Variants in KCNB2 observed in about 807,000 individuals in gnomAD.
KCNB2 encodes the protein potassium voltage-gated channel subfamily B member 2, also known as delayed rectifier potassium channel protein.
KCNB2 carries 15 observed loss-of-function variants against 61.5 expected under a neutral mutation model. The observed-to-expected ratio is 0.24, with a 90% CI of 0.16 to 0.38. The LOEUF (loss-of-function observed/expected upper bound fraction) is 0.38. Ranked by LOEUF, KCNB2 falls within the 10% of genes least tolerant of loss-of-function variation. KCNB2 has a pLI of 1.00. For synonymous variants in KCNB2, 457 were observed against 446.0 expected (o/e 1.02, Z -0.31); for missense variants, 828 against 1,125.2 (o/e 0.74, Z 3.78).
intron 2 of KCNB2, among the ~76,000 whole-genome samples, chr8:72,576,473 C>T (rs1806795475): frequency 6.6e-6 from 1 of 152,172 alleles, no homozygotes; most frequent in South Asian, 2.1e-4. Context: ...GGACACATCC[C>T]TCATTGAAAA....
intron 2 of KCNB2, among the ~76,000 whole-genome samples, chr8:72,790,739 A>G (rs1420404588): frequency 6.6e-6 from 1 of 152,110 alleles, no homozygotes; most frequent in African/African-American, 2.4e-5. Context: ...TACTTTTTAA[A>G]GTTTTCATTT....
intron 1 of KCNB2, among the ~76,000 whole-genome samples, chr8:72,539,884 G>T (rs1806165508): frequency 6.6e-6 from 1 of 152,088 alleles, no homozygotes; most frequent in African/African-American, 2.4e-5. Context: ...TCATAGTTTA[G>T]GCAATAGGGC....
At chr8:72,822,918 A>T (rs976794924) in intron 2 of KCNB2, among the ~76,000 whole-genome samples, 5 of 151,996 alleles carry the variant, frequency 3.3e-5, no homozygotes, top group Non-Finnish European at 5.9e-5. Context: ...CTGTGGGATC[A>T]TTTATTTGTG....
chr8:72,665,423 C>G (rs1339700913), intron 2 of KCNB2, among the ~76,000 whole-genome samples: 1 of 152,108 alleles, frequency 6.6e-6, no homozygotes, highest in Non-Finnish European at 1.5e-5. Flanking sequence ...AGGCCTGTCA[C>G]AGACCTGCTG....
At chr8:72,747,239 C>G (rs1808090676) in intron 2 of KCNB2, among the ~76,000 whole-genome samples, 1 of 152,132 alleles carries the variant, frequency 6.6e-6, no homozygotes, top group African/African-American at 2.4e-5. Context: ...GCAGGGCAAA[C>G]AGGTTTAGTA....
chr8:72,561,766 T>TAC (rs1806533431), intron 1 of KCNB2, among the ~76,000 whole-genome samples: 1 of 31,666 alleles, frequency 3.2e-5, no homozygotes, highest in African/African-American at 1.7e-4. Flanking sequence ...TATATGGATA[T>TAC]ATATATATAT....
intron 2 of KCNB2, among the ~76,000 whole-genome samples, chr8:72,920,263 A>G (rs188670354): frequency 6.6e-6 from 1 of 151,544 alleles, no homozygotes; most frequent in African/African-American, 2.4e-5. Flanking sequence ...ACCAATATCA[A>G]TCAATAGTCT....
At chr8:72,688,133 C>G (rs1200558243) in intron 2 of KCNB2, among the ~76,000 whole-genome samples, 1 of 152,170 alleles carries the variant, frequency 6.6e-6, no homozygotes, top group Non-Finnish European at 1.5e-5. Flanking sequence ...TAAAGCATAT[C>G]CTGGAATCTG....
At chr8:72,770,595 TA>T (rs1808541797) in intron 2 of KCNB2, among the ~76,000 whole-genome samples, 1 of 152,186 alleles carries the variant, frequency 6.6e-6, no homozygotes, top group Non-Finnish European at 1.5e-5. Context: ...CTATATAATC[TA>T]GGGCAAGTTA....
intron 2 of KCNB2, among the ~76,000 whole-genome samples, chr8:72,930,577 T>G (rs1172127794): frequency 6.6e-6 from 1 of 152,260 alleles, no homozygotes; most frequent in Non-Finnish European, 1.5e-5. Flanking sequence ...ATGTGTCTGT[T>G]GGCTGCATAA....
intron 2 of KCNB2, among the ~76,000 whole-genome samples, chr8:72,757,110 G>C (rs17765547): frequency 0.026 from 3,991 of 152,088 alleles, 60 homozygotes; most frequent in African/African-American, 0.037. Context: ...CTTGGGGAGC[G>C]CCAATGTGCT....
At chr8:72,545,870 A>T (rs982890170) in intron 1 of KCNB2, among the ~76,000 whole-genome samples, 2 of 152,182 alleles carry the variant, frequency 1.3e-5, no homozygotes, top group Non-Finnish European at 2.9e-5. Context: ...AATGATAATA[A>T]AGGAAAAAGA....
chr8:72,753,960 T>G (rs1160969152), intron 2 of KCNB2, among the ~76,000 whole-genome samples: 2 of 152,114 alleles, frequency 1.3e-5, no homozygotes, highest in South Asian at 2.1e-4. Context: ...GCATTGCACC[T>G]GTTGGGTGAG....
chr8:72,913,230 A>G (rs1356230978), intron 2 of KCNB2, among the ~76,000 whole-genome samples: 1 of 152,198 alleles, frequency 6.6e-6, no homozygotes, highest in Non-Finnish European at 1.5e-5. Context: ...GGGGCAGAGC[A>G]TGATCGAACA....
At chr8:72,813,341 C>T (rs1024939741) in intron 2 of KCNB2, among the ~76,000 whole-genome samples, 1 of 148,176 alleles carries the variant, frequency 6.7e-6, no homozygotes. Context: ...TTTTTTTTTT[C>T]AATTAGAAAC....
chr8:72,847,101 C>T (rs1276584609), intron 2 of KCNB2, among the ~76,000 whole-genome samples: 3 of 152,196 alleles, frequency 2.0e-5, no homozygotes, highest in Non-Finnish European at 4.4e-5. Flanking sequence ...AAATCACCCA[C>T]CTTCTGCATT....
chr8:72,711,169 A>G (rs1388474773), intron 2 of KCNB2, among the ~76,000 whole-genome samples: 1 of 152,224 alleles, frequency 6.6e-6, no homozygotes, highest in African/African-American at 2.4e-5. Context: ...AAGGTCTTGG[A>G]CTGACAATTG....
At chr8:72,584,812 A>T (rs1028521137) in intron 2 of KCNB2, among the ~76,000 whole-genome samples, 1 of 152,212 alleles carries the variant, frequency 6.6e-6, no homozygotes, top group African/African-American at 2.4e-5. Context: ...GCTCTTAACA[A>T]AAACTACCAT....
chr8:72,860,527 A>T (rs188602431), intron 2 of KCNB2, among the ~76,000 whole-genome samples: 47 of 152,352 alleles, frequency 3.1e-4, no homozygotes, highest in African/African-American at 9.6e-4. Context: ...ACACCAGTTG[A>T]ATACCAGGTA....
Sources: allele counts gnomAD v4.1 joint callset (sites outside exome capture counted in the v4.1 genomes callset), GRCh38; gene constraint gnomAD v4.1.1; transcripts MANE v1.5; gene names NCBI Gene and HGNC (gene_info 2026-07-23, HGNC 2026-07-21).